Variants in ADAP1 observed in about 807,000 individuals in gnomAD.
The protein encoded by ADAP1 is arf-GAP with dual PH domain-containing protein 1.
Under a neutral mutation model 54.9 loss-of-function variants are expected in ADAP1, and 31 were observed. The ratio of observed to expected loss-of-function variants is 0.56; its 90% CI spans 0.42 to 0.76. The LOEUF (loss-of-function observed/expected upper bound fraction) is 0.76. ADAP1 is among the 30% of genes least tolerant of loss of function. The pLI is 0.00. For synonymous variants in ADAP1, 313 were observed against 202.6 expected, an observed-to-expected ratio of 1.55 and a Z score of -4.63; for missense variants, 535 against 512.4, an observed-to-expected ratio of 1.04 and a Z score of -0.42.
In ADAP1 at chr7:920,768, A is replaced by C. The variant is rs1358135616; in HGVS notation, c.306-718T>G. 4 of 1,547,202 alleles carry C rather than the reference A, an allele frequency of 2.6e-6. No homozygotes were observed. The highest frequency in any genetic ancestry group is 3.5e-6 in the Non-Finnish European group (4 of 1,144,880). ...CAGAGCCACCCACCACGGCCTCCCC[A>C]TCCACCGTGACTCACTCGAGTGAAG... On this transcript the variant is annotated intron_variant, in intron 3 of 10. Coordinates refer to ENST00000265846, the MANE Select transcript of ADAP1 (RefSeq NM_006869.4). The surrounding 1 kb of genome is among the most constrained non-coding windows in gnomAD (Gnocchi z 4.5).
At position 903,892 on chromosome 7, in the gene ADAP1, G is replaced by C. The variant is rs1844950256; in HGVS notation, c.648+234C>G. On this transcript the variant is annotated intron_variant, in intron 6 of 10. Transcript: ENST00000265846. ...CCGGCTCCTGGGCAGCCCGGCCCTG[G>C]GAAGCTGCCTTCCTGCACCTGTCTT... The C allele has an allele frequency of 9.9e-6, 5 of 503,500 alleles. No homozygotes were observed. The East Asian group carries it at 2.0e-4, about 21-fold the overall frequency. The allele number at this position is 503,500 out of a possible 1,614,324, so 31.2% of individuals were successfully genotyped here. A position where few individuals can be genotyped will look rare whatever the true frequency, so the allele number is the denominator to read the frequency against.
Position 898,879 on chromosome 7 carries a change from G to C in ADAP1, c.*42C>G. 6.4e-7 allele frequency: 1 copy of C among 1,574,094 alleles called. No homozygotes were observed. The highest frequency in any genetic ancestry group is 8.6e-7 in the Non-Finnish European group (1 of 1,161,670). ...CCCATCCACGGGTCCCCTCCGTCCA[G>C]CCACAGTGAGTCCAATGTCCGTGGT... On this transcript the variant is annotated 3_prime_UTR_variant, in exon 11 of 11. Coordinates refer to ENST00000265846, the MANE Select transcript of ADAP1 (RefSeq NM_006869.4).
intron 4 of ADAP1, among the ~76,000 whole-genome samples, chr7:916,528 G>A (rs138062857): frequency 1.4e-3 from 209 of 152,300 alleles, no homozygotes; most frequent in Non-Finnish European, 2.1e-3. Flanking sequence ...TGTTTCTGCC[G>A]AGGGAAACGG....
chr7:952,188 G>T (rs1022408389), intron 1 of ADAP1, among the ~76,000 whole-genome samples: 3 of 152,214 alleles, frequency 2.0e-5, no homozygotes, highest in Non-Finnish European at 1.5e-5. Context: ...CCACTATTGG[G>T]ACAGGTCATG....
At chr7:941,192 C>T (rs938657794) in intron 1 of ADAP1, among the ~76,000 whole-genome samples, 2 of 152,150 alleles carry the variant, frequency 1.3e-5, no homozygotes, top group African/African-American at 4.8e-5. Context: ...GAAACATGTA[C>T]AGCAAATGTC....
rs3802140 is a variant in ADAP1, at chr7:905,008, C to T, written c.501+52G>A. On this transcript the variant is annotated intron_variant, in intron 5 of 10. Transcript: ENST00000265846. ...CCACCACAGGCCCCAGTGTGGGAGGCCGGGATGCCGCCCTGGGACAGGCCC... is the reference window on the plus strand; with the variant it reads ...CCACCACAGGCCCCAGTGTGGGAGGTCGGGATGCCGCCCTGGGACAGGCCC... 13,620 of 1,531,602 alleles carry T rather than the reference C, an allele frequency of 8.9e-3. 122 individuals are homozygous for T. Among genetic ancestry groups the T allele is most frequent in the Middle Eastern group, 0.045 (261 of 5,768 alleles). 94.9% of individuals were successfully genotyped at this position (1,531,602 alleles called of 1,614,324 possible).
At chr7:927,520 G>A (rs1846431048) in intron 2 of ADAP1, 1 of 470,240 alleles carries the variant, frequency 2.1e-6, no homozygotes, top group African/African-American at 2.0e-5. Context: ...GCCAGGCCCA[G>A]CCAGACTGAA....
chr7:917,683 C>T (rs901019037), intron 4 of ADAP1, among the ~76,000 whole-genome samples: 5 of 152,138 alleles, frequency 3.3e-5, no homozygotes, highest in East Asian at 1.9e-4. Context: ...AGATTGGTCT[C>T]GAACTCGTGG....
chr7:905,057 C>G lies in ADAP1; in HGVS notation c.501+3G>C, dbSNP rs749651556. ...CCCCACCCCACCCCCGTCTGTGACTCACATCATTTCTGTTGAAATACTTCA... is the reference window on the plus strand; with the variant it reads ...CCCCACCCCACCCCCGTCTGTGACTGACATCATTTCTGTTGAAATACTTCA... On this transcript the variant is annotated splice_donor_region_variant and intron_variant, in intron 5 of 10. Transcript: ENST00000265846. The G allele has an allele frequency of 6.2e-7, 1 of 1,609,866 alleles. No individual in the cohort carries two copies. The highest frequency in any genetic ancestry group is 8.5e-7 in the Non-Finnish European group (1 of 1,179,688).
intron 6 of ADAP1, 28 bp downstream of exon 6, chr7:904,098 C>G (rs1844964111): frequency 1.2e-6 from 2 of 1,610,380 alleles, no homozygotes; most frequent in Non-Finnish European, 1.7e-6. Flanking sequence ...CCTGTGCCAC[C>G]CGGGCCCGAG....
rs561594546 is a variant in ADAP1 at position 951,905 on chromosome 7, G to A, written c.82+2491C>T. On this transcript the variant is annotated intron_variant, in intron 1 of 10. Coordinates refer to ENST00000265846, the MANE Select transcript of ADAP1 (RefSeq NM_006869.4). ...CAGCTTCCAACTCCTGGCCTCAAGC[G>A]ATCCTCCGGCCTCGGCCTCCCAAAG... 1.2e-4 allele frequency among the ~76,000 whole-genome samples: 19 copies of A among 152,134 alleles called. 1 individual carries two copies. The South Asian group carries it at 1.4e-3, about 12-fold the overall frequency.
intron 4 of ADAP1, among the ~76,000 whole-genome samples, chr7:905,911 GAAA>G (rs1845253614): frequency 7.4e-4 from 1 of 1,354 alleles, no homozygotes; most frequent in African/African-American, 1.4e-3. Context: ...AGGAGAAAGG[GAAA>G]GGAGAAAGGG....
intron 4 of ADAP1, among the ~76,000 whole-genome samples, chr7:909,316 C>T (rs1845621108): frequency 1.2e-4 from 5 of 40,004 alleles, no homozygotes; most frequent in South Asian, 8.3e-4. Context: ...CAGGCGCCAG[C>T]GGGAACCCCG....
chr7:920,058 G>GA lies in ADAP1; in HGVS notation c.306-9dup, dbSNP rs535308799. The GA allele has an allele frequency of 2.5e-3, 4,031 of 1,604,424 alleles. 101 individuals carry two copies. In the African/African-American group the frequency reaches 0.048, roughly 19 times the overall value. ...CACTGCTCTCGAAGGAGCCTGTGGG[G>GA]AGAGGAGAGACTGAGCCACTGGGCC... On this transcript the variant is annotated splice_polypyrimidine_tract_variant and intron_variant, in intron 3 of 10. Coordinates refer to ENST00000265846, the MANE Select transcript of ADAP1 (RefSeq NM_006869.4). The surrounding 1 kb of genome is among the most constrained non-coding windows in gnomAD (Gnocchi z 4.5).
At chr7:943,159 G>T (rs1390427781) in intron 1 of ADAP1, among the ~76,000 whole-genome samples, 2 of 68,162 alleles carry the variant, frequency 2.9e-5, no homozygotes, top group East Asian at 6.6e-4. Context: ...GAAGAGAGGA[G>T]GAGGAAGGGA....
intron 4 of ADAP1, among the ~76,000 whole-genome samples, chr7:907,763 G>C (rs951898713): frequency 6.6e-6 from 1 of 152,180 alleles, no homozygotes; most frequent in African/African-American, 2.4e-5. Context: ...CTTGGGTCGC[G>C]TGCAGGTCCC....
chr7:949,519 A>G (rs888015480), intron 1 of ADAP1, among the ~76,000 whole-genome samples: 4 of 152,214 alleles, frequency 2.6e-5, no homozygotes, highest in African/African-American at 9.6e-5. Context: ...GCCACACCTA[A>G]CCTGAGATAT....
At position 898,596 on chromosome 7, in the gene ADAP1, G is replaced by T. The variant is rs907268536; in HGVS notation, c.*325C>A. 6.9e-6 allele frequency: 3 copies of T among 435,808 alleles called. No homozygotes were observed. The highest frequency in any genetic ancestry group is 1.3e-5 in the Non-Finnish European group (3 of 232,982). 27.0% of individuals were successfully genotyped at this position (435,808 alleles called of 1,614,324 possible). On this transcript the variant is annotated 3_prime_UTR_variant, in exon 11 of 11. Coordinates refer to ENST00000265846, the MANE Select transcript of ADAP1 (RefSeq NM_006869.4). Reference sequence around the variant, plus strand: ...GGAAGTTCCCACAGCCGTGGTGGGCGGCTCCTGGGGGCTGTGTCTGAGCTC... The same window carrying T: ...GGAAGTTCCCACAGCCGTGGTGGGCTGCTCCTGGGGGCTGTGTCTGAGCTC...
At chr7:910,555 G>A (rs1383226687) in intron 4 of ADAP1, among the ~76,000 whole-genome samples, 1 of 152,226 alleles carries the variant, frequency 6.6e-6, no homozygotes, top group Non-Finnish European at 1.5e-5. Flanking sequence ...GCCCGAGACT[G>A]CTGGGTCTTG....
Sources: allele counts gnomAD v4.1 joint callset (sites outside exome capture counted in the v4.1 genomes callset), GRCh38; gene constraint gnomAD v4.1.1; non-coding constraint Gnocchi (gnomAD v3.1); transcripts MANE v1.5; gene names NCBI Gene and HGNC (gene_info 2026-07-23, HGNC 2026-07-21).